SPTBN4: variants seen among roughly 807,000 people sequenced by gnomAD.
The protein encoded by SPTBN4 is spectrin beta chain, non-erythrocytic 4.
Under a neutral mutation model 277.8 loss-of-function variants are expected in SPTBN4, and 96 were observed. The ratio of observed to expected loss-of-function variants is 0.35; its 90% CI spans 0.29 to 0.41. SPTBN4 has a LOEUF of 0.41. Among genes scored for constraint, SPTBN4 ranks in the 10% least tolerant of loss-of-function variants. SPTBN4 has a pLI of 1.00. For missense variants in SPTBN4, 3,006 were observed against 3,595.7 expected (o/e 0.84, Z 4.19); for synonymous variants, 1,481 against 1,580.3 (o/e 0.94, Z 1.49).
Position 40,531,464 on chromosome 19 carries a change from G to GTTTTTTT in SPTBN4, c.3949-1132_3949-1126dup, listed in dbSNP as rs71173645. ...ACCGCGGAGCTGGAGTCCAGTGTTT[G>GTTTTTTT]TTTTTTTTTTTTTTTTTTTTTTTTT... is the stretch of plus-strand genomic sequence containing the variant. On this transcript the variant is annotated intron_variant, in intron 18 of 35. Coordinates refer to ENST00000598249, the MANE Select transcript of SPTBN4 (RefSeq NM_020971.3). Among the ~76,000 whole-genome samples the GTTTTTTT allele has an allele frequency of 1.4e-3, 57 of 40,930 alleles. 11 individuals are homozygous for GTTTTTTT. The highest frequency in any genetic ancestry group is 2.0e-3 in the Admixed American group (4 of 2,020). 26.9% of individuals were successfully genotyped at this position (40,930 alleles called of 152,430 possible). A position where few individuals can be genotyped will look rare whatever the true frequency, so the allele number is the denominator to read the frequency against.
chr19:40,525,105 C>G lies in SPTBN4; in HGVS notation c.3857+1466C>G, dbSNP rs571421885. Among the ~76,000 whole-genome samples, 6 of 152,258 alleles carry G rather than the reference C, an allele frequency of 3.9e-5. No homozygotes were observed. The East Asian group carries it at 1.2e-3, about 29-fold the overall frequency. ...CTCCTTCTGTCTTCCCATCTCCTGACAGAAAGCATCCCTGGTCACTTCACT... is the reference window on the plus strand; with the variant it reads ...CTCCTTCTGTCTTCCCATCTCCTGAGAGAAAGCATCCCTGGTCACTTCACT... On this transcript the variant is annotated intron_variant, in intron 17 of 35. Transcript: ENST00000598249.
intron 14 of SPTBN4, among the ~76,000 whole-genome samples, chr19:40,514,221 C>T (rs1299139448): frequency 1.3e-5 from 2 of 152,210 alleles, no homozygotes; most frequent in Non-Finnish European, 2.9e-5. Context: ...CTATGCCTTT[C>T]TAGGTCTTGT....
chr19:40,536,691 G>A (rs1335504318), intron 20 of SPTBN4, among the ~76,000 whole-genome samples: 2 of 152,180 alleles, frequency 1.3e-5, no homozygotes, highest in Non-Finnish European at 2.9e-5. Flanking sequence ...GCTCATGCCT[G>A]TATCCCAGCA....
intron 20 of SPTBN4, among the ~76,000 whole-genome samples, chr19:40,535,207 C>T (rs1353840238): frequency 3.3e-5 from 5 of 152,110 alleles, no homozygotes; most frequent in Non-Finnish European, 5.9e-5. Context: ...AAGCGCATAC[C>T]ACCACGTCTG....
intron 20 of SPTBN4, among the ~76,000 whole-genome samples, chr19:40,547,272 G>A (rs1182065752): frequency 2.0e-5 from 3 of 147,202 alleles, no homozygotes; most frequent in South Asian, 4.2e-4. Flanking sequence ...GAGTGAGAAC[G>A]TGTGGTGTTT....
At chr19:40,488,746 G>A (rs940580691) in intron 3 of SPTBN4, among the ~76,000 whole-genome samples, 10 of 152,166 alleles carry the variant, frequency 6.6e-5, no homozygotes, top group African/African-American at 2.4e-4. Context: ...GGAGGTCGAG[G>A]CTGCAGTGAG....
At chr19:40,569,435 A>T (rs2081128330) in intron 31 of SPTBN4, among the ~76,000 whole-genome samples, 1 of 151,924 alleles carries the variant, frequency 6.6e-6, no homozygotes, top group African/African-American at 2.4e-5. Context: ...TCAAAAAAAA[A>T]AAAAAAAAAA....
chr19:40,568,245 G>C lies in SPTBN4; in HGVS notation c.6919G>C (p.Glu2307Gln), dbSNP rs745769668. The C allele has an allele frequency of 1.7e-5, 28 of 1,602,078 alleles. No homozygotes were observed. Among genetic ancestry groups the C allele is most frequent in the Non-Finnish European group, 2.3e-5 (27 of 1,174,918 alleles). ...ERRLERQESS[E>Q]QEMPIRGDLV... ...GCGCTTGGAGCGGCAGGAGTCCAGC[G>C]AACAGGAGATGCCCATCAGAGGAGA... is the stretch of plus-strand genomic sequence containing the variant. The change falls in exon 31 of 36, where the codon GAA becomes CAA. Residue 2307 changes from glutamate (E) to glutamine (Q), a missense_variant. Glu to Gln is a conservative substitution (Grantham distance 29, BLOSUM62 2). Around this residue, in one of 5 missense-constraint regions of SPTBN4, gnomAD observed 630 missense variants for 677.6 expected, o/e 0.93. Transcript: ENST00000598249.
chr19:40,555,868 G>C (rs1472820045), intron 24 of SPTBN4, among the ~76,000 whole-genome samples: 1 of 151,674 alleles, frequency 6.6e-6, no homozygotes, highest in Non-Finnish European at 1.5e-5. Flanking sequence ...AGTGAGTTGT[G>C]ATCACACCAC....
chr19:40,490,204 C>A lies in SPTBN4; in HGVS notation c.451C>A (p.Arg151=). 3 of 1,614,218 alleles carry A rather than the reference C, an allele frequency of 1.9e-6. No homozygotes were observed. Among genetic ancestry groups the A allele is most frequent in the Non-Finnish European group, 2.5e-6 (3 of 1,180,024 alleles). ...GCATGACATCGTGGATGGGAATCACCGGCTGACGCTGGGGCTGGTCTGGAC... is the reference window on the plus strand; with the variant it reads ...GCATGACATCGTGGATGGGAATCACAGGCTGACGCTGGGGCTGGTCTGGAC... The part of the protein sequence containing the change: ...GSHDIVDGNH[R]LTLGLVWTII... Residue 151 remains arginine (R), a synonymous_variant, in exon 4 of 36, where the codon CGG becomes AGG. Coordinates refer to ENST00000598249, the MANE Select transcript of SPTBN4 (RefSeq NM_020971.3). This position sits in a 1 kb window ranked among gnomAD's most constrained non-coding sequence, Gnocchi z 4.3.
rs1405540940 is a variant in SPTBN4, at chr19:40,572,203, C to CA, written c.7493+13dup. On this transcript the variant is annotated intron_variant, in intron 34 of 35. Transcript: ENST00000598249. The stretch of plus-strand genomic sequence containing the variant: ...TGTCTTCAAGCTCCAGTGAGCCCCC[C>CA]AATGGGCAGGAGGGAGGGATCCAAG... 1 of 1,594,286 alleles carries CA rather than the reference C, an allele frequency of 6.3e-7. No homozygotes were observed. Among genetic ancestry groups the CA allele is most frequent in the Admixed American group, 1.7e-5 (1 of 58,476 alleles).
intron 13 of SPTBN4, among the ~76,000 whole-genome samples, chr19:40,506,765 C>CCTGG (rs1372731910): frequency 6.6e-6 from 1 of 151,706 alleles, no homozygotes; most frequent in Non-Finnish European, 1.5e-5. Context: ...ATCACTTGAG[C>CCTGG]CCAGGAATTC....
intron 31 of SPTBN4, among the ~76,000 whole-genome samples, chr19:40,568,805 G>A (rs1191251009): frequency 6.6e-6 from 1 of 152,264 alleles, no homozygotes. Flanking sequence ...TGGCCAGTGT[G>A]TGTTGTGCAG....
chr19:40,510,260 T>A (rs561515528), intron 13 of SPTBN4, among the ~76,000 whole-genome samples: 1 of 152,096 alleles, frequency 6.6e-6, no homozygotes, highest in African/African-American at 2.4e-5. Flanking sequence ...AATGACATTG[T>A]GTCAGAGTAA....
Position 40,560,524 on chromosome 19 carries a change from C to G in SPTBN4, c.5915+121C>G, listed in dbSNP as rs1194814254. The stretch of plus-strand genomic sequence containing the variant: ...AACAGCCAATATCTGTGTGGCGCCT[C>G]TGTGTGCTAGGCACTGTTCTAGGTG... On this transcript the variant is annotated intron_variant, in intron 27 of 35. Coordinates refer to ENST00000598249, the MANE Select transcript of SPTBN4 (RefSeq NM_020971.3). The surrounding 1 kb of genome is among the most constrained non-coding windows in gnomAD (Gnocchi z 5.2). 3 of 1,575,170 alleles carry G rather than the reference C, an allele frequency of 1.9e-6. No homozygotes were observed. Among genetic ancestry groups the G allele is most frequent in the South Asian group, 2.3e-5 (2 of 85,150 alleles).
chr19:40,481,461 T>C (rs2080009776), intron 2 of SPTBN4, among the ~76,000 whole-genome samples: 1 of 152,040 alleles, frequency 6.6e-6, no homozygotes, highest in Non-Finnish European at 1.5e-5. Context: ...ACCCTTGCGA[T>C]GGTCAGGTTT....
At chr19:40,517,781 A>C (rs1019488987) in intron 15 of SPTBN4, among the ~76,000 whole-genome samples, 2 of 152,292 alleles carry the variant, frequency 1.3e-5, no homozygotes, top group South Asian at 4.1e-4. Context: ...ACACTCAATG[A>C]AGTGGACTTT....
At chr19:40,532,280 G>A in intron 18 of SPTBN4, among the ~76,000 whole-genome samples, 1 of 63,038 alleles carries the variant, frequency 1.6e-5, no homozygotes, top group Non-Finnish European at 3.9e-5. Context: ...GGGTTGGAGA[G>A]CTTGTTTTGG....
rs748090129 is a variant in SPTBN4 at position 40,550,299 on chromosome 19, C to T, written c.4646C>T (p.Ala1549Val). ...MQTERGNGLQ[A>V]VQQHIKKNQG... Reference sequence around the variant, plus strand: ...ACAGAGCGAGGCAACGGTTTGCAGGCGGTCCAGCAGCACATCAAAAAGAAC... The same window carrying T: ...ACAGAGCGAGGCAACGGTTTGCAGGTGGTCCAGCAGCACATCAAAAAGAAC... Residue 1549 changes from alanine to valine, a missense_variant, in exon 22 of 36, where the codon GCG (alanine) becomes GTG (valine). Ala to Val is a moderately conservative substitution (Grantham distance 64, BLOSUM62 0). Around this residue, in one of 5 missense-constraint regions of SPTBN4, gnomAD observed 1,759 missense variants for 2,061.5 expected, o/e 0.85. Transcript: ENST00000598249. 5.0e-6 allele frequency: 8 copies of T among 1,611,202 alleles called. No homozygotes were observed. Among genetic ancestry groups the T allele is most frequent in the East Asian group, 2.2e-5 (1 of 44,882 alleles).
Sources: gnomAD v4.1 joint callset for allele counts (sites outside exome capture counted in the v4.1 genomes callset) on GRCh38, gnomAD v4.1.1 for gene constraint, gnomAD v4.1.1 regional missense constraint, Gnocchi (gnomAD v3.1) non-coding constraint, MANE v1.5 for transcripts, NCBI Gene and HGNC (gene_info 2026-07-23, HGNC 2026-07-21) for gene names.